The following CYRIA variants were observed in gnomAD, a reference collection of about 807,000 sequenced individuals.
The protein encoded by CYRIA is CYFIP related Rac1 interactor A.
Under a neutral mutation model 43.9 loss-of-function variants are expected in CYRIA, and 15 were observed. The ratio of observed to expected loss-of-function variants is 0.34; its 90% CI spans 0.23 to 0.53. CYRIA has a LOEUF of 0.53. Among genes scored for constraint, CYRIA ranks in the 20% least tolerant of loss-of-function variants. CYRIA has a pLI of 0.94. For synonymous variants in CYRIA, 117 were observed against 136.0 expected (o/e 0.86, Z 0.97); for missense variants, 236 against 394.2 (o/e 0.60, Z 3.40).
Position 16,549,475 on chromosome 2 carries a change from C to A in CYRIA, c.*3461G>T, listed in dbSNP as rs942493615. On this transcript the variant is annotated 3_prime_UTR_variant, in exon 12 of 12. Coordinates refer to ENST00000381323, the MANE Select transcript of CYRIA (RefSeq NM_030797.4). ...AGAGGTGCATTTTTAAATATATGTA[C>A]CAAACTTTAATTTTCATTTCACACT... 7 of 151,780 alleles carry A rather than the reference C, an allele frequency of 4.6e-5. No individual in the cohort carries two copies. Among genetic ancestry groups the A allele is most frequent in the Admixed American group, 4.6e-4 (7 of 15,242 alleles). 9.4% of individuals were successfully genotyped at this position (151,780 alleles called of 1,614,324 possible). A position where few individuals can be genotyped will look rare whatever the true frequency, so the allele number is the denominator to read the frequency against.
chr2:16,561,267 T>C lies in CYRIA; in HGVS notation c.524A>G (p.Glu175Gly), dbSNP rs1402014689. 2 of 1,609,594 alleles carry C rather than the reference T, an allele frequency of 1.2e-6. No homozygotes were observed. Among genetic ancestry groups the C allele is most frequent in the Non-Finnish European group, 1.7e-6 (2 of 1,175,988 alleles). ...NRINNMHLDI[E>G]NEVNNEMANR... ...GGCCATCTCATTATTGACTTCATTC[T>C]CAATGTCTAGCTGATGAAAATAAGA... Residue 175 changes from glutamate to glycine, a missense_variant, in exon 8 of 12, where the codon GAG (glutamate) becomes GGG (glycine). Glu to Gly is a moderately conservative substitution (Grantham distance 98). Transcript: ENST00000381323.
intron 1 of CYRIA, chr2:16,625,812 G>A: frequency 6.6e-6 from 1 of 151,964 alleles, no homozygotes; most frequent in East Asian, 1.9e-4. Context: ...AGGTATCAGG[G>A]AGAGCTATCC....
intron 3 of CYRIA, among the ~76,000 whole-genome samples, chr2:16,580,284 A>C (rs577024275): frequency 4.1e-4 from 63 of 152,222 alleles, no homozygotes; most frequent in Admixed American, 7.2e-4. Flanking sequence ...AGCTAGGACC[A>C]GCTATATGTT....
At chr2:16,614,981 T>C (rs970756603) in intron 2 of CYRIA, among the ~76,000 whole-genome samples, 5 of 152,238 alleles carry the variant, frequency 3.3e-5, no homozygotes, top group Non-Finnish European at 7.3e-5. Flanking sequence ...TTAGATGGAC[T>C]GGATCAGGCT....
chr2:16,602,511 A>G (rs534782248), intron 2 of CYRIA, among the ~76,000 whole-genome samples: 1 of 152,308 alleles, frequency 6.6e-6, no homozygotes, highest in South Asian at 2.1e-4. Context: ...GAGAAAAGTT[A>G]TCATTGGACC....
chr2:16,639,285 G>A (rs569590210), intron 1 of CYRIA, among the ~76,000 whole-genome samples: 8 of 152,344 alleles, frequency 5.3e-5, no homozygotes, highest in East Asian at 3.9e-4. Flanking sequence ...GCCAATGAAT[G>A]TATGTTTCCA....
intron 3 of CYRIA, among the ~76,000 whole-genome samples, chr2:16,568,227 GAAAAAAAAA>G (rs71400699): frequency 4.5e-5 from 4 of 88,754 alleles, no homozygotes; most frequent in Non-Finnish European, 7.0e-5. Flanking sequence ...TTCAAAATCA[GAAAAAAAAA>G]AAAAAAAAAA....
intron 3 of CYRIA, among the ~76,000 whole-genome samples, chr2:16,587,382 T>C (rs544915055): frequency 3.3e-5 from 5 of 152,248 alleles, no homozygotes; most frequent in African/African-American, 1.2e-4. Flanking sequence ...GCTCAATAAA[T>C]GTGGGCTTAC....
chr2:16,631,145 G>A (rs1024312637), intron 1 of CYRIA, among the ~76,000 whole-genome samples: 1 of 152,230 alleles, frequency 6.6e-6, no homozygotes, highest in Non-Finnish European at 1.5e-5. Flanking sequence ...ATACCAGCAA[G>A]CCTCTTTGGA....
chr2:16,589,697 C>T (rs532397890), intron 2 of CYRIA, among the ~76,000 whole-genome samples: 39 of 152,090 alleles, frequency 2.6e-4, no homozygotes, highest in Non-Finnish European at 4.1e-4. Context: ...AGAAAAATTA[C>T]GTGCTTTTAC....
rs1037929633 is a variant in CYRIA at position 16,575,865 on chromosome 2, A to AAAAT, written c.71-10102_71-10099dup. ...AGCGAGACTCCATCTCAAAAAAATAAAAATAAATAAATAAAATAAATAAAT... is the reference window on the plus strand; with the variant it reads ...AGCGAGACTCCATCTCAAAAAAATAAAAATAAATAAATAAATAAAATAAATAAAT... On this transcript the variant is annotated intron_variant, in intron 3 of 11. Coordinates refer to ENST00000381323, the MANE Select transcript of CYRIA (RefSeq NM_030797.4). Among the ~76,000 whole-genome samples the AAAAT allele has an allele frequency of 2.1e-5, 3 of 145,510 alleles. No individual in the cohort carries two copies. The East Asian group carries it at 5.9e-4, about 29-fold the overall frequency.
At chr2:16,574,381 G>T (rs1667249800) in intron 3 of CYRIA, among the ~76,000 whole-genome samples, 1 of 152,290 alleles carries the variant, frequency 6.6e-6, no homozygotes, top group South Asian at 2.1e-4. Flanking sequence ...TGATAGAAAA[G>T]AAAATCCCAT....
rs373566305 is a variant in CYRIA at position 16,627,129 on chromosome 2, A to G, written c.-166-3110T>C. ...ACCCCACCCCATTCAGGGGAGGGCT[A>G]GGGAAGAGCTTCAAACGGCTGCTGC... is the stretch of plus-strand genomic sequence containing the variant. On this transcript the variant is annotated intron_variant, in intron 1 of 11. Coordinates refer to ENST00000381323, the MANE Select transcript of CYRIA (RefSeq NM_030797.4). Among the ~76,000 whole-genome samples, 6 of 152,310 alleles carry G rather than the reference A, an allele frequency of 3.9e-5. No homozygotes were observed. The East Asian group carries it at 7.7e-4, about 20-fold the overall frequency.
intron 2 of CYRIA, among the ~76,000 whole-genome samples, chr2:16,590,824 G>A (rs1334999412): frequency 1.3e-5 from 2 of 152,092 alleles, no homozygotes; most frequent in Non-Finnish European, 2.9e-5. Context: ...ATGGAACCTA[G>A]AAAACAAGTG....
At chr2:16,614,165 A>G (rs1667911875) in intron 2 of CYRIA, among the ~76,000 whole-genome samples, 1 of 152,186 alleles carries the variant, frequency 6.6e-6, no homozygotes, top group African/African-American at 2.4e-5. Flanking sequence ...ATACTCTGGA[A>G]ATGGAAATGC....
intron 1 of CYRIA, among the ~76,000 whole-genome samples, chr2:16,662,240 A>G (rs1670276182): frequency 6.6e-6 from 1 of 152,216 alleles, no homozygotes; most frequent in Non-Finnish European, 1.5e-5. Flanking sequence ...AATTCATCCA[A>G]AGAGCTTTGT....
At chr2:16,654,499 A>G (rs1488783293) in intron 1 of CYRIA, among the ~76,000 whole-genome samples, 1 of 151,540 alleles carries the variant, frequency 6.6e-6, no homozygotes, top group African/African-American at 2.4e-5. Flanking sequence ...TATTTTCTTT[A>G]AAAAAAAATA....
In CYRIA at chr2:16,604,440, A is replaced by G. The variant is rs1160704651; in HGVS notation, c.-10-16311T>C. Among the ~76,000 whole-genome samples the G allele has an allele frequency of 2.0e-5, 3 of 152,200 alleles. No homozygotes were observed. In the East Asian group the frequency reaches 5.8e-4, roughly 29 times the overall value. On this transcript the variant is annotated intron_variant, in intron 2 of 11. Coordinates refer to ENST00000381323, the MANE Select transcript of CYRIA (RefSeq NM_030797.4). Reference sequence around the variant, plus strand: ...TCTGGCATCCAGTGGGTGTCCCAGGAGGAAGGGGCCCAGCCCTGACATGTC... The same window carrying G: ...TCTGGCATCCAGTGGGTGTCCCAGGGGGAAGGGGCCCAGCCCTGACATGTC...
At chr2:16,613,809 T>C (rs1305576602) in intron 2 of CYRIA, among the ~76,000 whole-genome samples, 3 of 152,242 alleles carry the variant, frequency 2.0e-5, no homozygotes, top group Non-Finnish European at 4.4e-5. Flanking sequence ...AAACTCACAG[T>C]TGTAGTAGCC....
Sources: gnomAD v4.1 joint callset for allele counts (sites outside exome capture counted in the v4.1 genomes callset) on GRCh38, gnomAD v4.1.1 for gene constraint, MANE v1.5 for transcripts, NCBI Gene and HGNC (gene_info 2026-07-23, HGNC 2026-07-21) for gene names.